Variants in GSN observed in about 807,000 individuals in gnomAD.
GSN encodes actin-depolymerizing factor.
In GSN, 56 loss-of-function variants were observed where a neutral mutation model predicts 85.7. The observed-to-expected ratio is 0.65, with a 90% CI of 0.53 to 0.82. The LOEUF (loss-of-function observed/expected upper bound fraction) is 0.82, where lower values mean the gene tolerates loss of function less well. Ranked by LOEUF, GSN falls within the 40% of genes least tolerant of loss-of-function variation. The pLI is 0.00. For missense variants in GSN, 857 were observed against 979.8 expected (o/e 0.87, Z 1.67); for synonymous variants, 373 against 399.1 (o/e 0.93, Z 0.78).
At chr9:121,324,412 G>A (rs570429220) in intron 11 of GSN, 142 bp from the exon 12 acceptor site, 12 of 670,878 alleles carry the variant, frequency 1.8e-5, no homozygotes, top group South Asian at 1.2e-4. Flanking sequence ...CCTGGCTCTC[G>A]TTGTTCTGAA....
intron 1 of GSN, among the ~76,000 whole-genome samples, chr9:121,278,926 C>T (rs918043430): frequency 1.3e-5 from 2 of 152,218 alleles, no homozygotes; most frequent in African/African-American, 4.8e-5. Context: ...TCTTTGCCGG[C>T]TCTGTGAATG....
chr9:121,249,036 A>G (rs2054759684), intron 6 of GSN, among the ~76,000 whole-genome samples: 1 of 152,186 alleles, frequency 6.6e-6, no homozygotes, highest in Non-Finnish European at 1.5e-5. Context: ...TTTTGTGACA[A>G]TCTAGATGTA....
intron 4 of GSN, chr9:121,309,726 C>T (rs1463013140): frequency 6.6e-6 from 1 of 151,974 alleles, no homozygotes; most frequent in Non-Finnish European, 1.5e-5. Flanking sequence ...ATCCCAGCAC[C>T]CAAGGATCTC....
At chr9:121,301,625 C>CAAAAAA (rs753963979) in intron 2 of GSN, among the ~76,000 whole-genome samples, 1 of 55,988 alleles carries the variant, frequency 1.8e-5, no homozygotes, top group Admixed American at 1.7e-4. Flanking sequence ...GACTCTGTCT[C>CAAAAAA]AAAAAAAAAA....
At chr9:121,238,924 C>T in intron 5 of GSN, 1 of 537,230 alleles carries the variant, frequency 1.9e-6, no homozygotes, top group Admixed American at 1.9e-5. Context: ...CCTGGTCATC[C>T]CTTCTCCAAT....
At chr9:121,227,716 G>A (rs1410422400) in intron 4 of GSN, among the ~76,000 whole-genome samples, 1 of 152,122 alleles carries the variant, frequency 6.6e-6, no homozygotes, top group Non-Finnish European at 1.5e-5. Flanking sequence ...CCCTCACATT[G>A]GTGTCAGACT....
chr9:121,282,608 A>C, intron 2 of GSN: 1 of 915,286 alleles, frequency 1.1e-6, no homozygotes, highest in Non-Finnish European at 1.5e-6. Context: ...AGGGATTCCC[A>C]AAAGGTCTGC....
Position 121,312,415 on chromosome 9 carries a change from G to A in GSN, c.590G>A (p.Arg197Gln), listed in dbSNP as rs745312507. The change falls in exon 6 of 18, where the codon CGG becomes CAG. Residue 197 changes from arginine to glutamine, a missense_variant. By Grantham distance (43) the Arg-to-Gln change is conservative. Coordinates refer to ENST00000432226, the MANE Select transcript of GSN (RefSeq NM_198252.3). ...GCCACACAGGTGTCCAAGGGCATCC[G>A]GGACAACGAGCGGAGTGGCCGGGCC... Reference protein sequence around the residue: ...LKATQVSKGIRDNERSGRARV... With the variant: ...LKATQVSKGIQDNERSGRARV... 31 of 1,613,884 alleles carry A rather than the reference G, an allele frequency of 1.9e-5. No homozygotes were observed. The Admixed American group carries it at 3.8e-4, about 20-fold the overall frequency.
intron 2 of GSN, among the ~76,000 whole-genome samples, chr9:121,292,166 G>A (rs943246249): frequency 2.6e-5 from 4 of 152,178 alleles, no homozygotes; most frequent in Non-Finnish European, 5.9e-5. Flanking sequence ...CAAAGTGCTG[G>A]GATTACAGGC....
At chr9:121,220,669 T>C (rs573751784) in intron 4 of GSN, among the ~76,000 whole-genome samples, 15 of 152,358 alleles carry the variant, frequency 9.8e-5, no homozygotes, top group Middle Eastern at 3.4e-3. Flanking sequence ...GAGATAGTTA[T>C]TCTATTTTCA....
intron 7 of GSN, 48 bp from the exon 8 acceptor site, chr9:121,317,038 G>A: frequency 5.6e-6 from 9 of 1,613,030 alleles, no homozygotes; most frequent in Non-Finnish European, 7.6e-6. Flanking sequence ...TCAGGGCTGG[G>A]CGGCCACAGA....
At chr9:121,208,961 T>G (rs1169857986) in intron 1 of GSN, among the ~76,000 whole-genome samples, 1 of 152,200 alleles carries the variant, frequency 6.6e-6, no homozygotes, top group Non-Finnish European at 1.5e-5. Flanking sequence ...GCAGTTCCCT[T>G]AGGATGCCCA....
At chr9:121,255,870 A>G (rs1435588092) in intron 6 of GSN, among the ~76,000 whole-genome samples, 1 of 152,242 alleles carries the variant, frequency 6.6e-6, no homozygotes, top group Non-Finnish European at 1.5e-5. Context: ...CATAGAGAAT[A>G]GCGGTTCCAA....
At position 121,259,780 on chromosome 9, in the gene GSN, A is replaced by G. The variant is rs564792542; in HGVS notation, c.-340-5374A>G. Among the ~76,000 whole-genome samples, 4 of 152,362 alleles carry G rather than the reference A, an allele frequency of 2.6e-5. No homozygotes were observed. The East Asian group carries it at 7.7e-4, about 29-fold the overall frequency. ...CGTGGGTCTCATGAAGCCAGACTGC[A>G]TCTGCTGTATTAATATTTTATGCCA... On this transcript the variant is annotated intron_variant, in intron 6 of 24. Coordinates refer to the GSN transcript ENST00000373823.
intron 5 of GSN, chr9:121,239,665 G>A (rs1017315379): frequency 1.0e-5 from 3 of 295,956 alleles, no homozygotes; most frequent in Admixed American, 3.7e-5. Context: ...GTTGGCCATC[G>A]CATGATATCA....
At position 121,332,583 on chromosome 9, in the gene GSN, A is replaced by G. The variant is rs1460889014; in HGVS notation, c.2176A>G (p.Met726Val). ...YWSVDPLDRAMAELAA is the reference protein window; with the variant it reads ...YWSVDPLDRAVAELAA ...GTCTGTGGACCCCTTGGACAGGGCC[A>G]TGGCTGAGCTGGCTGCCTGAGGAGG... Residue 726 changes from methionine (M) to valine (V), a missense_variant, in exon 18 of 18, where the codon ATG (methionine) becomes GTG (valine). Coordinates refer to ENST00000432226, the MANE Select transcript of GSN (RefSeq NM_198252.3). The surrounding 1 kb of genome is among the most constrained non-coding windows in gnomAD (Gnocchi z 4.8). 4 of 1,613,902 alleles carry G rather than the reference A, an allele frequency of 2.5e-6. No individual in the cohort carries two copies. The highest frequency in any genetic ancestry group is 3.4e-6 in the Non-Finnish European group (4 of 1,179,956).
intron 5 of GSN, among the ~76,000 whole-genome samples, chr9:121,233,289 C>A (rs1287791946): frequency 6.6e-6 from 1 of 152,046 alleles, no homozygotes; most frequent in Non-Finnish European, 1.5e-5. Context: ...CATGGTGAAA[C>A]CCCGTCTCTA....
At chr9:121,298,269 T>G (rs912781444) in intron 2 of GSN, among the ~76,000 whole-genome samples, 2 of 152,188 alleles carry the variant, frequency 1.3e-5, no homozygotes, top group African/African-American at 4.8e-5. Flanking sequence ...TGCCTATGCG[T>G]CCCCTCCCCC....
At chr9:121,301,363 A>G (rs781639328) in intron 2 of GSN, among the ~76,000 whole-genome samples, 27 of 152,194 alleles carry the variant, frequency 1.8e-4, no homozygotes, top group Non-Finnish European at 2.8e-4. Context: ...GCGGTGGCTC[A>G]CGCCTGTAAT....
Sources: allele counts gnomAD v4.1 joint callset (sites outside exome capture counted in the v4.1 genomes callset), GRCh38; gene constraint gnomAD v4.1.1; non-coding constraint Gnocchi (gnomAD v3.1); transcripts MANE v1.5; gene names NCBI Gene and HGNC (gene_info 2026-07-23, HGNC 2026-07-21).